PCDH7: variants seen among roughly 807,000 people sequenced by gnomAD.
The protein encoded by PCDH7 is protocadherin 7.
In PCDH7, 17 loss-of-function variants were observed where a neutral mutation model predicts 58.9. The ratio of observed to expected loss-of-function variants is 0.29; its 90% CI spans 0.20 to 0.43. The LOEUF is 0.43. Ranked by LOEUF, PCDH7 falls within the 20% of genes least tolerant of loss-of-function variation. The pLI is 1.00. For synonymous variants in PCDH7, 664 were observed against 616.4 expected (o/e 1.08, Z -1.14); for missense variants, 1,274 against 1,441.0 (o/e 0.88, Z 1.88).
At chr4:31,094,394 A>G (rs1560218403) in intron 3 of PCDH7, among the ~76,000 whole-genome samples, 1 of 152,304 alleles carries the variant, frequency 6.6e-6, no homozygotes, top group Non-Finnish European at 1.5e-5. Flanking sequence ...GCTATTACAT[A>G]AGGACATCTT....
intron 1 of PCDH7, among the ~76,000 whole-genome samples, chr4:30,847,383 CCAGAAGGCTTTAGAATAAACATTTGG>C (rs1209422463): frequency 6.6e-6 from 1 of 152,080 alleles, no homozygotes; most frequent in Non-Finnish European, 1.5e-5. Context: ...GTGCTTCACA[CCAGAAGGCTTTAGAATAAACATTTGG>C]CTGAAACGTC....
At chr4:30,989,980 T>C (rs1174975545) in intron 3 of PCDH7, among the ~76,000 whole-genome samples, 1 of 152,114 alleles carries the variant, frequency 6.6e-6, no homozygotes, top group Non-Finnish European at 1.5e-5. Flanking sequence ...ATGTGGTACC[T>C]GGAAATAGAA....
rs543780091 is a variant in PCDH7 at position 30,730,710 on chromosome 4, G to A, written c.3175-43G>A. The A allele has an allele frequency of 1.5e-4, 225 of 1,472,072 alleles. 1 individual carries two copies. In the East Asian group the frequency reaches 2.0e-3, roughly 13 times the overall value. The allele number at this position is 1,472,072 out of a possible 1,614,324, so 91.2% of individuals were successfully genotyped here. A position where few individuals can be genotyped will look rare whatever the true frequency, so the allele number is the denominator to read the frequency against. On this transcript the variant is annotated intron_variant, in intron 1 of 1. Coordinates refer to ENST00000361762, the Ensembl canonical transcript of PCDH7. ...AGACACTGGGGAAAATTTCTTTATC[G>A]ATTTTTTTTTACCTGCATAAATCTT...
At chr4:31,007,238 ACT>A (rs1451858479) in intron 3 of PCDH7, among the ~76,000 whole-genome samples, 1 of 152,022 alleles carries the variant, frequency 6.6e-6, no homozygotes, top group Non-Finnish European at 1.5e-5. Flanking sequence ...AATTGTAAAT[ACT>A]CACTTGCATT....
At chr4:31,026,358 C>T (rs760475677) in intron 3 of PCDH7, among the ~76,000 whole-genome samples, 3 of 152,078 alleles carry the variant, frequency 2.0e-5, no homozygotes, top group South Asian at 2.1e-4. Context: ...CAAGGATTCC[C>T]GAGGCTATGA....
chr4:30,964,543 G>T (rs950297997), intron 3 of PCDH7, among the ~76,000 whole-genome samples: 1 of 151,562 alleles, frequency 6.6e-6, no homozygotes, highest in Non-Finnish European at 1.5e-5. Context: ...ACCCGGCCCA[G>T]TAGTTTTATT....
intron 1 of PCDH7, among the ~76,000 whole-genome samples, chr4:30,729,227 G>C (rs1239014839): frequency 6.6e-6 from 1 of 151,594 alleles, no homozygotes; most frequent in East Asian, 1.9e-4. Flanking sequence ...ACTACCTTTG[G>C]GGGAAAAAAA....
chr4:30,895,617 C>A (rs1739303608), intron 1 of PCDH7, among the ~76,000 whole-genome samples: 1 of 152,052 alleles, frequency 6.6e-6, no homozygotes, highest in African/African-American at 2.4e-5. Flanking sequence ...AAAGTTAGAG[C>A]AGGACATTAT....
At chr4:31,019,524 G>A (rs779556534) in intron 3 of PCDH7, among the ~76,000 whole-genome samples, 4 of 151,806 alleles carry the variant, frequency 2.6e-5, no homozygotes, top group Non-Finnish European at 4.4e-5. Context: ...GTAAAACCCC[G>A]TCTCTACTAA....
intron 1 of PCDH7, among the ~76,000 whole-genome samples, chr4:30,918,171 C>T (rs767694274): frequency 2.0e-5 from 3 of 152,136 alleles, no homozygotes; most frequent in Non-Finnish European, 4.4e-5. Flanking sequence ...TGACCCTTGG[C>T]ATTCTTAGCT....
At chr4:31,001,142 A>G (rs1578529053) in intron 3 of PCDH7, among the ~76,000 whole-genome samples, 1 of 152,186 alleles carries the variant, frequency 6.6e-6, no homozygotes, top group East Asian at 1.9e-4. Context: ...CATCTGTAAC[A>G]AAAACCTGCG....
chr4:30,969,304 T>TG (rs1390825881), intron 3 of PCDH7, among the ~76,000 whole-genome samples: 1 of 152,178 alleles, frequency 6.6e-6, no homozygotes, highest in African/African-American at 2.4e-5. Flanking sequence ...GAAGCTGCAC[T>TG]GCTGCACCTG....
rs1235136586 is a variant in PCDH7 at position 30,776,836 on chromosome 4, TATG to T, written c.70+52243_70+52245del. Among the ~76,000 whole-genome samples the T allele has an allele frequency of 4.8e-5, 7 of 147,298 alleles. No individual in the cohort carries two copies. In the South Asian group the frequency reaches 1.5e-3, roughly 32 times the overall value. ...ACACGTACTGGTTGTTCTTCAGAAATATGATTATAATTTTGATATGTGGTGTGT... is the reference window on the plus strand; with the variant it reads ...ACACGTACTGGTTGTTCTTCAGAAATATTATAATTTTGATATGTGGTGTGT... On this transcript the variant is annotated intron_variant, in intron 1 of 3. Coordinates refer to the PCDH7 transcript ENST00000509759.
At chr4:30,805,702 CCT>C (rs1169967454) in intron 1 of PCDH7, among the ~76,000 whole-genome samples, 2 of 151,964 alleles carry the variant, frequency 1.3e-5, no homozygotes, top group East Asian at 3.9e-4. Context: ...TGTTCTTTTC[CCT>C]CTTTATGCTG....
rs79946484 is a variant in PCDH7 at position 30,971,366 on chromosome 4, T to C, written c.*7+21151T>C. ...TTCTGGCAGCAAAGCAATAGGAAAA[T>C]AAACCCAAACACCTGCTGTGTGTTT... On this transcript the variant is annotated intron_variant, in intron 3 of 3. Coordinates refer to the PCDH7 transcript ENST00000509759. Among the ~76,000 whole-genome samples, 801 of 152,288 alleles carry C rather than the reference T, an allele frequency of 5.3e-3. 5 individuals are homozygous for C. Among genetic ancestry groups the C allele is most frequent in the Non-Finnish European group, 8.4e-3 (568 of 68,016 alleles).
At chr4:30,926,177 T>C (rs1186339009) in intron 2 of PCDH7, among the ~76,000 whole-genome samples, 1 of 130,726 alleles carries the variant, frequency 7.6e-6, no homozygotes, top group African/African-American at 2.9e-5. Flanking sequence ...GGGATTATTA[T>C]TAACTTTAGG....
chr4:30,878,377 T>G (rs543936771), intron 1 of PCDH7, among the ~76,000 whole-genome samples: 4 of 152,054 alleles, frequency 2.6e-5, no homozygotes, highest in Non-Finnish European at 5.9e-5. Flanking sequence ...TTTACCTAGG[T>G]GGAAGGAAGG....
At chr4:30,899,996 G>C (rs1740002909) in intron 1 of PCDH7, among the ~76,000 whole-genome samples, 1 of 152,106 alleles carries the variant, frequency 6.6e-6, no homozygotes, top group African/African-American at 2.4e-5. Flanking sequence ...TCAAAACTTG[G>C]TGTGCATCAT....
intron 1 of PCDH7, among the ~76,000 whole-genome samples, chr4:30,889,950 G>T (rs1460331576): frequency 6.6e-6 from 1 of 152,156 alleles, no homozygotes; most frequent in African/African-American, 2.4e-5. Context: ...TTTGTAGGCA[G>T]ACAAATACAT....
Sources: gnomAD v4.1 joint callset for allele counts (sites outside exome capture counted in the v4.1 genomes callset) on GRCh38, gnomAD v4.1.1 for gene constraint, MANE v1.5 for transcripts, NCBI Gene and HGNC (gene_info 2026-07-23, HGNC 2026-07-21) for gene names.